NUDT9: variants seen among roughly 807,000 people sequenced by gnomAD.
NUDT9 encodes the protein ADP-ribose pyrophosphatase.
In NUDT9, 31 loss-of-function variants were observed where a neutral mutation model predicts 41.0. That is an observed-to-expected ratio of 0.76 (90% CI 0.57 to 1.02). NUDT9 has a LOEUF of 1.02. NUDT9 is among the 50% of genes least tolerant of loss of function. The pLI is 0.00. For synonymous variants in NUDT9, 146 were observed against 147.6 expected, an observed-to-expected ratio of 0.99 and a Z score of 0.08; for missense variants, 380 against 431.4, an observed-to-expected ratio of 0.88 and a Z score of 1.06.
Position 87,458,839 on chromosome 4 carries a change from T to C in NUDT9, c.*818T>C, listed in dbSNP as rs967992418. 1 of 152,236 alleles carries C rather than the reference T, an allele frequency of 6.6e-6. No homozygotes were observed. The highest frequency in any genetic ancestry group is 1.5e-5 in the Non-Finnish European group (1 of 68,040). The allele number at this position is 152,236 out of a possible 1,614,324, so 9.4% of individuals were successfully genotyped here. ...GGTTGTAGAGAAAAAGGAATGCTTA[T>C]ACGCTGTTAGTGGGAGTGTAAATTG... On this transcript the variant is annotated 3_prime_UTR_variant, in exon 8 of 8. Transcript: ENST00000302174.
At position 87,457,884 on chromosome 4, in the gene NUDT9, G is replaced by C. The variant is rs1387063809; in HGVS notation, c.916G>C (p.Ala306Pro). 1 of 1,611,030 alleles carries C rather than the reference G, an allele frequency of 6.2e-7. No homozygotes were observed. Among genetic ancestry groups the C allele is most frequent in the African/African-American group, 1.3e-5 (1 of 74,548 alleles). The change falls in exon 8 of 8, where the codon GCT becomes CCT. Residue 306 changes from alanine (A) to proline (P), a missense_variant. Ala to Pro is a conservative substitution (Grantham distance 27). Transcript: ENST00000302174. ...TCTTATGCTAGAAGCTGGAGATGATGCTGGAAAAGTGAAATGGGTGGACAT... is the reference window on the plus strand; with the variant it reads ...TCTTATGCTAGAAGCTGGAGATGATCCTGGAAAAGTGAAATGGGTGGACAT... The part of the protein sequence containing the change: ...DNLMLEAGDD[A>P]GKVKWVDIND...
At chr4:87,430,070 TTTAA>T (rs574789635) in intron 1 of NUDT9, among the ~76,000 whole-genome samples, 51 of 152,190 alleles carry the variant, frequency 3.4e-4, no homozygotes, top group African/African-American at 1.1e-3. Context: ...GTGCGCCTGA[TTTAA>T]TTGAGAGTCC....
chr4:87,422,975 A>C lies in NUDT9; in HGVS notation c.70A>C (p.Ile24Leu). 6.2e-7 allele frequency: 1 copy of C among 1,613,160 alleles called. No individual in the cohort carries two copies. Among genetic ancestry groups the C allele is most frequent in the Non-Finnish European group, 8.5e-7 (1 of 1,179,706 alleles). ...SLSLALASVT[I>L]RSSRCRGIQA... is the part of the protein sequence containing the mutation. ...CTCTCTGGCCTTGGCCTCTGTGACT[A>C]TCAGGTCCTCGCGCTGCCGCGGCAT... Residue 24 changes from isoleucine (I) to leucine (L), a missense_variant, in exon 1 of 8, where the codon ATC (isoleucine) becomes CTC (leucine). Transcript: ENST00000302174.
At chr4:87,423,150 G>A in intron 1 of NUDT9, 138 bp downstream of exon 1, 1 of 540,498 alleles carries the variant, frequency 1.9e-6, no homozygotes, top group Non-Finnish European at 3.2e-6. Context: ...TTTTCAAAAA[G>A]GCTCTAAAAT....
At chr4:87,447,959 G>A (rs1314245196) in intron 4 of NUDT9, among the ~76,000 whole-genome samples, 1 of 151,108 alleles carries the variant, frequency 6.6e-6, no homozygotes, top group East Asian at 2.0e-4. Flanking sequence ...TTGAGCCCAG[G>A]AGTTTAAGGT....
At chr4:87,426,691 G>A (rs1309344813) in intron 1 of NUDT9, among the ~76,000 whole-genome samples, 2 of 151,628 alleles carry the variant, frequency 1.3e-5, no homozygotes, top group Non-Finnish European at 2.9e-5. Flanking sequence ...TTACAGGCGT[G>A]AGCCACTGCG....
Position 87,447,800 on chromosome 4 carries a change from G to C in NUDT9, c.531-1342G>C, listed in dbSNP as rs193268173. On this transcript the variant is annotated intron_variant, in intron 4 of 7. Coordinates refer to ENST00000302174, the MANE Select transcript of NUDT9 (RefSeq NM_024047.5). Reference sequence around the variant, plus strand: ...TGTAATTGCAGCACTTTGGGATGCCGAGGTGGGAGGATGGCTTGAGGCCAG... The same window carrying C: ...TGTAATTGCAGCACTTTGGGATGCCCAGGTGGGAGGATGGCTTGAGGCCAG... Among the ~76,000 whole-genome samples, 14 of 152,222 alleles carry C rather than the reference G, an allele frequency of 9.2e-5. No individual in the cohort carries two copies. In the East Asian group the frequency reaches 2.3e-3, roughly 25 times the overall value.
Position 87,451,808 on chromosome 4 carries a change from A to G in NUDT9, c.789+73A>G, listed in dbSNP as rs2110189487. The G allele has an allele frequency of 3.1e-6, 4 of 1,279,222 alleles. No homozygotes were observed. In the East Asian group the frequency reaches 7.0e-5, roughly 22 times the overall value. 79.2% of individuals were successfully genotyped at this position (1,279,222 alleles called of 1,614,324 possible). A position where few individuals can be genotyped will look rare whatever the true frequency, so the allele number is the denominator to read the frequency against. ...AAATGACTTAAAAGTTGACCTGGAAATCTGTATGTCCTTCTCTAAATAAAG... is the reference window on the plus strand; with the variant it reads ...AAATGACTTAAAAGTTGACCTGGAAGTCTGTATGTCCTTCTCTAAATAAAG... On this transcript the variant is annotated intron_variant, in intron 6 of 7. Coordinates refer to ENST00000302174, the MANE Select transcript of NUDT9 (RefSeq NM_024047.5).
intron 1 of NUDT9, among the ~76,000 whole-genome samples, chr4:87,428,688 C>A (rs748044984): frequency 1.3e-5 from 2 of 151,988 alleles, no homozygotes; most frequent in African/African-American, 4.8e-5. Context: ...GTAAAAAGAT[C>A]AGGAGTTGGA....
chr4:87,424,118 A>T (rs982769545), intron 1 of NUDT9, among the ~76,000 whole-genome samples: 1 of 151,850 alleles, frequency 6.6e-6, no homozygotes, highest in African/African-American at 2.4e-5. Flanking sequence ...TTGCTTGGAG[A>T]TTGGGGAGGG....
chr4:87,433,615 A>G (rs1721780364), intron 1 of NUDT9, among the ~76,000 whole-genome samples: 1 of 152,234 alleles, frequency 6.6e-6, no homozygotes, highest in South Asian at 2.1e-4. Flanking sequence ...GAAAGGAGCT[A>G]TCATAATTTT....
chr4:87,447,939 G>A (rs1372497698), intron 4 of NUDT9, among the ~76,000 whole-genome samples: 1 of 151,662 alleles, frequency 6.6e-6, no homozygotes, highest in Admixed American at 6.6e-5. Context: ...GGCTGAGACA[G>A]GAGGATTGCT....
intron 1 of NUDT9, among the ~76,000 whole-genome samples, chr4:87,423,888 G>T (rs1382576351): frequency 1.3e-5 from 2 of 152,222 alleles, no homozygotes; most frequent in Non-Finnish European, 2.9e-5. Context: ...CAGATGGGTA[G>T]ACTGGGAACC....
intron 4 of NUDT9, among the ~76,000 whole-genome samples, chr4:87,445,933 CTTT>C (rs964120765): frequency 4.2e-5 from 6 of 142,928 alleles, no homozygotes; most frequent in African/African-American, 2.6e-5. Context: ...GCATCTCTCT[CTTT>C]TTTTTTTTTT....
rs1723078806 is a variant in NUDT9 at position 87,458,323 on chromosome 4, A to G, written c.*302A>G. ...TCTTTGAAGAATCATAATCAGAATA[A>G]AGATAAATTCTTGATCAGCTATAAC... On this transcript the variant is annotated 3_prime_UTR_variant, in exon 8 of 8. Transcript: ENST00000302174. 1 of 211,114 alleles carries G rather than the reference A, an allele frequency of 4.7e-6. No individual in the cohort carries two copies. The highest frequency in any genetic ancestry group is 9.3e-6 in the Non-Finnish European group (1 of 107,798). The allele number at this position is 211,114 out of a possible 1,614,324, so 13.1% of individuals were successfully genotyped here.
intron 6 of NUDT9, 109 bp downstream of exon 6, chr4:87,451,844 G>A (rs900899706): frequency 1.1e-6 from 1 of 870,022 alleles, no homozygotes; most frequent in African/African-American, 1.7e-5. Context: ...TGGAATACTT[G>A]TATATTTAAA....
intron 1 of NUDT9, among the ~76,000 whole-genome samples, chr4:87,430,231 A>C (rs1257514600): frequency 6.6e-6 from 1 of 152,242 alleles, no homozygotes; most frequent in African/African-American, 2.4e-5. Context: ...AAGCTGGGAA[A>C]GTATGGCAAA....
chr4:87,437,249 C>CAAAAA (rs776722819), intron 2 of NUDT9, among the ~76,000 whole-genome samples: 10 of 55,404 alleles, frequency 1.8e-4, no homozygotes, highest in Non-Finnish European at 2.4e-4. Context: ...GACTCCATCT[C>CAAAAA]AAAAAAAAAA....
chr4:87,429,152 G>C (rs1320003062), intron 1 of NUDT9, among the ~76,000 whole-genome samples: 1 of 152,084 alleles, frequency 6.6e-6, no homozygotes, highest in African/African-American at 2.4e-5. Flanking sequence ...AATTAAAAAG[G>C]TTTCTTATTT....
Sources: allele counts gnomAD v4.1 joint callset (sites outside exome capture counted in the v4.1 genomes callset), GRCh38; gene constraint gnomAD v4.1.1; transcripts MANE v1.5; gene names NCBI Gene and HGNC (gene_info 2026-07-23, HGNC 2026-07-21).